The following BTAF1 variants were observed in gnomAD, a reference collection of about 807,000 sequenced individuals.
BTAF1 encodes B-TFIID TATA-box binding protein associated factor 1.
Under a neutral mutation model 227.1 loss-of-function variants are expected in BTAF1, and 38 were observed. The ratio of observed to expected loss-of-function variants is 0.17; its 90% CI spans 0.13 to 0.22. BTAF1 has a LOEUF of 0.22. BTAF1 is among the 10% of genes least tolerant of loss of function. The probability of loss-of-function intolerance (pLI) is 1.00; values close to 1 mark genes in which losing one functional copy is unlikely to be tolerated. For synonymous variants in BTAF1, 742 were observed against 751.9 expected (o/e 0.99, Z 0.21); for missense variants, 1,598 against 2,204.0 (o/e 0.73, Z 5.51).
chr10:91,974,709 A>G (rs1847558667), intron 14 of BTAF1, among the ~76,000 whole-genome samples: 1 of 152,032 alleles, frequency 6.6e-6, no homozygotes, highest in Non-Finnish European at 1.5e-5. Flanking sequence ...AAAATTAGCC[A>G]GGAGTCGTGG....
intron 4 of BTAF1, among the ~76,000 whole-genome samples, chr10:91,942,868 C>T (rs370471025): frequency 2.2e-4 from 34 of 152,168 alleles, no homozygotes; most frequent in African/African-American, 4.8e-4. Flanking sequence ...TCCCCAAGAG[C>T]CCCAGTTTAA....
intron 1 of BTAF1, among the ~76,000 whole-genome samples, chr10:91,933,229 C>T (rs1844389822): frequency 6.6e-6 from 1 of 152,150 alleles, no homozygotes. Flanking sequence ...GGATTACTTT[C>T]TGGTAGGTAA....
intron 25 of BTAF1, among the ~76,000 whole-genome samples, chr10:92,007,325 TCTC>T (rs1156741541): frequency 6.7e-6 from 1 of 150,100 alleles, no homozygotes; most frequent in Admixed American, 6.7e-5. Flanking sequence ...TTCAAGCGAT[TCTC>T]CTGCCAGCGT....
chr10:91,924,388 A>C (rs1177015377), intron 1 of BTAF1, among the ~76,000 whole-genome samples: 1 of 152,022 alleles, frequency 6.6e-6, no homozygotes, highest in Non-Finnish European at 1.5e-5. Flanking sequence ...TTTCGATTCT[A>C]GGGGAGTCTC....
At chr10:91,995,203 T>C (rs1849050748) in intron 23 of BTAF1, among the ~76,000 whole-genome samples, 1 of 152,156 alleles carries the variant, frequency 6.6e-6, no homozygotes. Flanking sequence ...TTCATATCTC[T>C]GCAATAGGAA....
chr10:91,967,367 A>G (rs1408971307), intron 14 of BTAF1, among the ~76,000 whole-genome samples: 1 of 152,158 alleles, frequency 6.6e-6, no homozygotes, highest in Non-Finnish European at 1.5e-5. Context: ...CCCATTTTTA[A>G]AATAACCTTA....
intron 25 of BTAF1, among the ~76,000 whole-genome samples, chr10:92,004,715 C>T (rs560367947): frequency 1.1e-4 from 17 of 152,286 alleles, no homozygotes; most frequent in Non-Finnish European, 2.4e-4. Flanking sequence ...AAGCAGTCCT[C>T]CTGCCTCAGT....
At position 91,974,612 on chromosome 10, in the gene BTAF1, G is replaced by A. The variant is rs145927829; in HGVS notation, c.1651-5842G>A. ...CACTCCTGTAACCCCAGGACTTTGGGAGGCCAGTGCAGGCAGATCACTTGA... is the reference window on the plus strand; with the variant it reads ...CACTCCTGTAACCCCAGGACTTTGGAAGGCCAGTGCAGGCAGATCACTTGA... On this transcript the variant is annotated intron_variant, in intron 14 of 37. Transcript: ENST00000265990. 9.3e-3 allele frequency among the ~76,000 whole-genome samples: 1,422 copies of A among 152,278 alleles called. 24 individuals are homozygous for A. The highest frequency in any genetic ancestry group is 0.032 in the African/African-American group (1,320 of 41,550).
chr10:92,024,636 C>G, intron 34 of BTAF1, 120 bp from the exon 35 acceptor site: 1 of 856,348 alleles, frequency 1.2e-6, no homozygotes, highest in Non-Finnish European at 1.8e-6. Flanking sequence ...AAGTGCTAAT[C>G]TGCTTTCCAG....
intron 14 of BTAF1, among the ~76,000 whole-genome samples, chr10:91,971,962 T>A: frequency 6.6e-6 from 1 of 152,208 alleles, no homozygotes; most frequent in East Asian, 1.9e-4. Flanking sequence ...CATAAAAAAT[T>A]TAAGTTATAA....
chr10:91,937,561 C>G (rs1222956341), intron 2 of BTAF1, among the ~76,000 whole-genome samples: 1 of 152,092 alleles, frequency 6.6e-6, no homozygotes, highest in Admixed American at 6.5e-5. Context: ...GAATTGTAAT[C>G]TATTGTGATC....
intron 14 of BTAF1, among the ~76,000 whole-genome samples, chr10:91,979,317 A>G (rs887833521): frequency 3.9e-5 from 6 of 152,136 alleles, no homozygotes. Flanking sequence ...AATGATTTAT[A>G]TTCCTTTAGG....
chr10:91,938,312 G>A (rs1238680005), intron 2 of BTAF1, among the ~76,000 whole-genome samples: 1 of 152,082 alleles, frequency 6.6e-6, no homozygotes, highest in Non-Finnish European at 1.5e-5. Context: ...TCTGCTTTTG[G>A]TGTCATATCT....
chr10:91,927,536 T>G (rs539653140), intron 1 of BTAF1, among the ~76,000 whole-genome samples: 8 of 152,316 alleles, frequency 5.3e-5, no homozygotes. Flanking sequence ...ACTTGCTGGA[T>G]TAACATAAAC....
chr10:91,986,663 A>C (rs11819184), intron 19 of BTAF1, among the ~76,000 whole-genome samples: 1 of 151,954 alleles, frequency 6.6e-6, no homozygotes, highest in South Asian at 2.1e-4. Flanking sequence ...CTGGAATTAA[A>C]TCTCAAATTT....
rs533491631 is a variant in BTAF1, at chr10:91,993,934, A to G, written c.3199+87A>G. On this transcript the variant is annotated intron_variant, in intron 22 of 37. Coordinates refer to ENST00000265990, the MANE Select transcript of BTAF1 (RefSeq NM_003972.3). Reference sequence around the variant, plus strand: ...ATCCTTATAAAATAAAAATGCCTCTATGCCTCTACCTGTTTATTCCAGACC... The same window carrying G: ...ATCCTTATAAAATAAAAATGCCTCTGTGCCTCTACCTGTTTATTCCAGACC... 2.3e-5 allele frequency: 24 copies of G among 1,055,378 alleles called. No individual in the cohort carries two copies. The East Asian group carries it at 6.6e-4, about 29-fold the overall frequency. The allele number at this position is 1,055,378 out of a possible 1,614,324, so 65.4% of individuals were successfully genotyped here. A position where few individuals can be genotyped will look rare whatever the true frequency, so the allele number is the denominator to read the frequency against.
chr10:92,023,622 T>A (rs1851291297), intron 34 of BTAF1, among the ~76,000 whole-genome samples: 1 of 152,142 alleles, frequency 6.6e-6, no homozygotes, highest in Non-Finnish European at 1.5e-5. Context: ...AGTTGGAGGT[T>A]GCAGTGAGCC....
chr10:91,991,795 GTGTATATATATATATATATATATA>G (rs1452955581), intron 20 of BTAF1, among the ~76,000 whole-genome samples: 689 of 5,640 alleles, frequency 0.12, 13 homozygotes, highest in South Asian at 0.19. Flanking sequence ...GTGTGTGTGT[GTGTATATATATATATATATATATA>G]TATATATATA....
chr10:91,989,140 T>C lies in BTAF1; in HGVS notation c.2428-14T>C, dbSNP rs752346271. On this transcript the variant is annotated splice_polypyrimidine_tract_variant and intron_variant, in intron 19 of 37. Transcript: ENST00000265990. ...ATATGATTAATGATTTTTAATTTCT[T>C]TTTTTTTTAATAGGTCACTACTGTT... 25 of 1,581,068 alleles carry C rather than the reference T, an allele frequency of 1.6e-5. No individual in the cohort carries two copies. The highest frequency in any genetic ancestry group is 2.1e-5 in the Non-Finnish European group (25 of 1,165,560).
Sources: allele counts gnomAD v4.1 joint callset (sites outside exome capture counted in the v4.1 genomes callset), GRCh38; gene constraint gnomAD v4.1.1; transcripts MANE v1.5; gene names NCBI Gene and HGNC (gene_info 2026-07-23, HGNC 2026-07-21).